The following ANKS6 variants were observed in gnomAD, a reference collection of about 807,000 sequenced individuals.
The protein encoded by ANKS6 is ankyrin repeat and SAM domain-containing protein 6.
ANKS6 carries 47 observed loss-of-function variants against 77.9 expected under a neutral mutation model. The ratio of observed to expected loss-of-function variants is 0.60; its 90% CI spans 0.48 to 0.77. ANKS6 has a LOEUF of 0.77. Among genes scored for constraint, ANKS6 ranks in the 30% least tolerant of loss-of-function variants. The pLI is 0.00. For synonymous variants in ANKS6, 488 were observed against 501.7 expected (o/e 0.97, Z 0.37); for missense variants, 1,150 against 1,159.1 (o/e 0.99, Z 0.11).
At chr9:98,741,087 C>G (rs1289798937) in intron 14 of ANKS6, among the ~76,000 whole-genome samples, 2 of 152,102 alleles carry the variant, frequency 1.3e-5, no homozygotes, top group African/African-American at 4.8e-5. Flanking sequence ...GATTAGAAGG[C>G]CTTAGACACA....
Position 98,734,987 on chromosome 9 carries a change from C to T in ANKS6, c.*1532G>A, listed in dbSNP as rs753345816. On this transcript the variant is annotated 3_prime_UTR_variant, in exon 15 of 15. Coordinates refer to ENST00000353234, the MANE Select transcript of ANKS6 (RefSeq NM_173551.5). ...TACGAGGCTCTGGGCAGTAAGTTAA[C>T]GACAGCCTCTGAAAGCCAGCATAGG... The T allele has an allele frequency of 4.1e-5, 40 of 985,336 alleles. No individual in the cohort carries two copies. The East Asian group carries it at 4.5e-4, about 11-fold the overall frequency. The allele number at this position is 985,336 out of a possible 1,614,324, so 61.0% of individuals were successfully genotyped here.
intron 10 of ANKS6, 143 bp from the exon 11 acceptor site, chr9:98,768,393 CAGG>C: frequency 2.1e-6 from 2 of 968,676 alleles, no homozygotes; most frequent in Non-Finnish European, 3.1e-6. Context: ...GGACTGACCA[CAGG>C]AGAATTCTGC....
chr9:98,790,009 T>G lies in ANKS6; in HGVS notation c.862+95A>C, dbSNP rs566356180. The G allele has an allele frequency of 5.4e-6, 8 of 1,469,538 alleles. No individual in the cohort carries two copies. In the Admixed American group the frequency reaches 1.6e-4, roughly 29 times the overall value. 91.0% of individuals were successfully genotyped at this position (1,469,538 alleles called of 1,614,324 possible). A position where few individuals can be genotyped will look rare whatever the true frequency, so the allele number is the denominator to read the frequency against. ...GTGGTCTGCAGGGCTGGACTCTGAG[T>G]TCTGCGTGTCCTTCCAGTAGAGCAA... On this transcript the variant is annotated intron_variant, in intron 2 of 14. Coordinates refer to ENST00000353234, the MANE Select transcript of ANKS6 (RefSeq NM_173551.5).
At position 98,733,365 on chromosome 9, in the gene ANKS6, T is replaced by C. The variant is rs377470121; in HGVS notation, c.*3154A>G. ...ACACTGCCTGGGTGCTGGGAAACAATGCCCTCCACCCTGCAGGAGAGCTCA... is the reference window on the plus strand; with the variant it reads ...ACACTGCCTGGGTGCTGGGAAACAACGCCCTCCACCCTGCAGGAGAGCTCA... On this transcript the variant is annotated 3_prime_UTR_variant, in exon 15 of 15. Coordinates refer to ENST00000353234, the MANE Select transcript of ANKS6 (RefSeq NM_173551.5). 2.0e-6 allele frequency: 2 copies of C among 985,466 alleles called. No individual in the cohort carries two copies. The highest frequency in any genetic ancestry group is 1.7e-5 in the African/African-American group (1 of 57,354). The allele number at this position is 985,466 out of a possible 1,614,324, so 61.0% of individuals were successfully genotyped here.
chr9:98,784,007 T>C lies in ANKS6; in HGVS notation c.1058A>G (p.Asp353Gly). Reference sequence around the variant, plus strand: ...CCAGCCATGCACGCTGTCCTGCTTGTCAACATCCGCGTGCCTCTCCACCAG... The same window carrying C: ...CCAGCCATGCACGCTGTCCTGCTTGCCAACATCCGCGTGCCTCTCCACCAG... ...QLLVERHADVDKQDSVHGWTA... is the reference protein window; with the variant it reads ...QLLVERHADVGKQDSVHGWTA... The change falls in exon 4 of 15, where the codon GAC becomes GGC. Residue 353 changes from aspartate to glycine, a missense_variant. Transcript: ENST00000353234. 6.2e-7 allele frequency: 1 copy of C among 1,610,596 alleles called. No individual in the cohort carries two copies.
chr9:98,792,926 T>G (rs575232298), intron 1 of ANKS6, among the ~76,000 whole-genome samples: 1 of 152,214 alleles, frequency 6.6e-6, no homozygotes, highest in Admixed American at 6.5e-5. Flanking sequence ...AGCACTCAAC[T>G]ATGCTGAAAA....
In ANKS6 at chr9:98,782,609, C is replaced by T. The variant is rs1202215155; in HGVS notation, c.1113-36G>A. On this transcript the variant is annotated intron_variant, in intron 4 of 14. Transcript: ENST00000353234. ...ATGCTAGAGTTACATTCACTGAAAG[C>T]AAAGGCATGGCTTTGCTCCTGGGCA... 1.9e-6 allele frequency: 3 copies of T among 1,560,754 alleles called. No homozygotes were observed. In the African/African-American group the frequency reaches 4.1e-5, roughly 21 times the overall value.
chr9:98,773,794 G>A, intron 9 of ANKS6, 83 bp downstream of exon 9: 3 of 1,301,172 alleles, frequency 2.3e-6, no homozygotes. Flanking sequence ...GGATTCGTCG[G>A]TTTGAGGTCC....
rs567645694 is a variant in ANKS6 at position 98,757,383 on chromosome 9, C to T, written c.2143-780G>A. 2.8e-4 allele frequency among the ~76,000 whole-genome samples: 43 copies of T among 152,280 alleles called. No homozygotes were observed. In the East Asian group the frequency reaches 7.7e-3, roughly 27 times the overall value. ...CTGTGACAGCGCTGTCTTTCCTTGT[C>T]TTTCATGACCCTGACACTTGGGAAA... On this transcript the variant is annotated intron_variant, in intron 11 of 14. Coordinates refer to ENST00000353234, the MANE Select transcript of ANKS6 (RefSeq NM_173551.5).
At chr9:98,774,889 G>A (rs993111743) in intron 8 of ANKS6, among the ~76,000 whole-genome samples, 1 of 152,212 alleles carries the variant, frequency 6.6e-6, no homozygotes, top group Admixed American at 6.5e-5. Flanking sequence ...AACTCGCCTC[G>A]GGAGCCGAGC....
intron 1 of ANKS6, among the ~76,000 whole-genome samples, 198 bp from the exon 2 acceptor site, chr9:98,790,804 A>T (rs1451472787): frequency 6.6e-6 from 1 of 152,236 alleles, no homozygotes; most frequent in African/African-American, 2.4e-5. Flanking sequence ...GCCTGGGTTC[A>T]AATCCAGCTC....
chr9:98,732,333 T>C lies in ANKS6; in HGVS notation c.*4186A>G, dbSNP rs1831245562. Reference sequence around the variant, plus strand: ...AGGGACGAGTTCCCTGCCCCCTTTTTACCCGCTGGATCAGCTTCTACGACT... The same window carrying C: ...AGGGACGAGTTCCCTGCCCCCTTTTCACCCGCTGGATCAGCTTCTACGACT... On this transcript the variant is annotated 3_prime_UTR_variant, in exon 15 of 15. Coordinates refer to ENST00000353234, the MANE Select transcript of ANKS6 (RefSeq NM_173551.5). 7.6e-6 allele frequency: 6 copies of C among 784,884 alleles called. No individual in the cohort carries two copies. Among genetic ancestry groups the C allele is most frequent in the Admixed American group, 2.8e-5 (1 of 35,234 alleles). The allele number at this position is 784,884 out of a possible 1,614,324, so 48.6% of individuals were successfully genotyped here.
rs760689216 is a variant in ANKS6, at chr9:98,790,448, T to C, written c.518A>G (p.His173Arg). 5 of 1,613,566 alleles carry C rather than the reference T, an allele frequency of 3.1e-6. No homozygotes were observed. Among genetic ancestry groups the C allele is most frequent in the Admixed American group, 1.7e-5 (1 of 59,968 alleles). Residue 173 changes from histidine to arginine, a missense_variant, in exon 2 of 15, where the codon CAC (histidine) becomes CGC (arginine). By Grantham distance (29) the His-to-Arg change is conservative. Coordinates refer to ENST00000353234, the MANE Select transcript of ANKS6 (RefSeq NM_173551.5). ...LLEAGAFVDH[H>R]HPSGEQLGLG... ...CCCCAGTTGCTCGCCTGAAGGGTGG[T>C]GATGGTCCACAAAGGCACCGGCTTC...
At chr9:98,765,940 G>A (rs983312526) in intron 11 of ANKS6, among the ~76,000 whole-genome samples, 1 of 152,194 alleles carries the variant, frequency 6.6e-6, no homozygotes, top group Non-Finnish European at 1.5e-5. Context: ...TCTTGCTGCT[G>A]GGATAGAAAG....
rs1374518601 is a variant in ANKS6, at chr9:98,732,259, A to G, written c.*4260T>C. ...AGGTCAGCGTTATCCAAAGTTGTCC[A>G]GCCTCCGGCCTGGCCCATGTCTTCA... is the stretch of plus-strand genomic sequence containing the variant. On this transcript the variant is annotated 3_prime_UTR_variant, in exon 15 of 15. Transcript: ENST00000353234. 3 of 570,588 alleles carry G rather than the reference A, an allele frequency of 5.3e-6. No homozygotes were observed. The highest frequency in any genetic ancestry group is 3.1e-5 in the Admixed American group (1 of 31,922). 35.3% of individuals were successfully genotyped at this position (570,588 alleles called of 1,614,324 possible). A position where few individuals can be genotyped will look rare whatever the true frequency, so the allele number is the denominator to read the frequency against.
intron 8 of ANKS6, among the ~76,000 whole-genome samples, chr9:98,774,445 G>A (rs1440149728): frequency 1.3e-5 from 2 of 152,186 alleles, no homozygotes; most frequent in African/African-American, 2.4e-5. Flanking sequence ...TGTGGGAACC[G>A]AGCTGAGAAC....
At chr9:98,780,163 C>A (rs1834157637) in intron 6 of ANKS6, 26 bp downstream of exon 6, 2 of 1,611,742 alleles carry the variant, frequency 1.2e-6, no homozygotes, top group Admixed American at 1.7e-5. Context: ...AGCCCCCAAG[C>A]CCCTTTAAGA....
intron 7 of ANKS6, among the ~76,000 whole-genome samples, chr9:98,777,923 C>T (rs890416935): frequency 5.9e-5 from 9 of 152,202 alleles, no homozygotes; most frequent in Non-Finnish European, 1.5e-5. Flanking sequence ...AATCACATTT[C>T]AGAGGTGGGG....
intron 6 of ANKS6, among the ~76,000 whole-genome samples, chr9:98,779,103 A>T (rs1464668456): frequency 6.6e-6 from 1 of 152,234 alleles, no homozygotes; most frequent in Non-Finnish European, 1.5e-5. Context: ...TGGACACAAA[A>T]GGAGCGCCGA....
Sources: gnomAD v4.1 joint callset for allele counts (sites outside exome capture counted in the v4.1 genomes callset) on GRCh38, gnomAD v4.1.1 for gene constraint, MANE v1.5 for transcripts, NCBI Gene and HGNC (gene_info 2026-07-23, HGNC 2026-07-21) for gene names.